MFF: variants seen among roughly 807,000 people sequenced by gnomAD.
MFF encodes the protein chromosome 2 open reading frame 33.
In MFF, 12 loss-of-function variants were observed where a neutral mutation model predicts 36.9. That is an observed-to-expected ratio of 0.33 (90% CI 0.21 to 0.53). MFF has a LOEUF of 0.53. Among genes scored for constraint, MFF ranks in the 20% least tolerant of loss-of-function variants. The pLI is 0.95. For synonymous variants in MFF, 99 were observed against 126.2 expected (o/e 0.78, Z 1.44); for missense variants, 348 against 366.6 (o/e 0.95, Z 0.42).
At chr2:227,342,158 T>C (rs2075432038) in intron 5 of MFF, among the ~76,000 whole-genome samples, 3 of 152,082 alleles carry the variant, frequency 2.0e-5, no homozygotes, top group African/African-American at 7.2e-5. Flanking sequence ...TTTTTGATAG[T>C]AAAAGTAATG....
At chr2:227,345,699 GTTTA>G (rs2075672870) in intron 5 of MFF, among the ~76,000 whole-genome samples, 2 of 152,032 alleles carry the variant, frequency 1.3e-5, no homozygotes, top group South Asian at 2.1e-4. Flanking sequence ...TTGTTTGTTT[GTTTA>G]TTTGTTTTTA....
chr2:227,332,367 T>C, intron 3 of MFF, 52 bp from the exon 4 acceptor site: 1 of 1,421,514 alleles, frequency 7.0e-7, no homozygotes, highest in Non-Finnish European at 9.5e-7. Context: ...ACTGTCTTTT[T>C]AAAAAACCTC....
intron 5 of MFF, among the ~76,000 whole-genome samples, chr2:227,341,301 T>C (rs76203169): frequency 1.4e-5 from 2 of 142,862 alleles, no homozygotes; most frequent in African/African-American, 5.1e-5. Context: ...TTTTTTTTTT[T>C]CAAATCCTTG....
At chr2:227,332,266 C>T (rs1427646544) in intron 3 of MFF, among the ~76,000 whole-genome samples, 153 bp from the exon 4 acceptor site, 2 of 152,012 alleles carry the variant, frequency 1.3e-5, no homozygotes, top group African/African-American at 4.8e-5. Context: ...GCCACCGCGC[C>T]CGGCCTGGAA....
At chr2:227,356,775 A>G (rs1414837229) in intron 8 of MFF, among the ~76,000 whole-genome samples, 1 of 152,198 alleles carries the variant, frequency 6.6e-6, no homozygotes, top group African/African-American at 2.4e-5. Flanking sequence ...GAAGAAGGGA[A>G]AGGGAAAGGA....
chr2:227,329,856 A>G, intron 2 of MFF: 2 of 925,162 alleles, frequency 2.2e-6, no homozygotes, highest in Non-Finnish European at 3.3e-6. Flanking sequence ...TTACTGCCGT[A>G]GGCTAACCAT....
chr2:227,356,633 C>G (rs2076271105), intron 8 of MFF, among the ~76,000 whole-genome samples: 1 of 152,120 alleles, frequency 6.6e-6, no homozygotes, highest in African/African-American at 2.4e-5. Flanking sequence ...GTCCCGTATT[C>G]TTTCTGCTGT....
intron 4 of MFF, among the ~76,000 whole-genome samples, chr2:227,335,746 G>A (rs2074953977): frequency 6.6e-6 from 1 of 152,196 alleles, no homozygotes; most frequent in Non-Finnish European, 1.5e-5. Flanking sequence ...CCCTTGAGGA[G>A]GGCTTAAAAC....
At chr2:227,351,219 C>T (rs1355755090) in intron 6 of MFF, among the ~76,000 whole-genome samples, 1 of 152,122 alleles carries the variant, frequency 6.6e-6, no homozygotes, top group African/African-American at 2.4e-5. Context: ...CTGTCTTAAG[C>T]ATATGTGATT....
At chr2:227,343,426 A>G (rs2075525339) in intron 5 of MFF, among the ~76,000 whole-genome samples, 1 of 152,194 alleles carries the variant, frequency 6.6e-6, no homozygotes, top group East Asian at 1.9e-4. Flanking sequence ...TAAGCAACAG[A>G]AGAAACTGCA....
rs2075320770 is a variant in MFF at position 227,340,324 on chromosome 2, G to C, written c.384G>C (p.Arg128=). The C allele has an allele frequency of 6.2e-7, 1 of 1,614,012 alleles. No individual in the cohort carries two copies. The highest frequency in any genetic ancestry group is 8.5e-7 in the Non-Finnish European group (1 of 1,179,936). The change falls in exon 5 of 9, where the codon CGG becomes CGC. Residue 128 remains arginine (R), a synonymous_variant. Transcript: ENST00000304593. ...CAGTTGGCAGACTAAAAAGAGAGCG[G>C]TCTATGAGTGAAAATGCTGTTCGCC... ...IRAVGRLKRE[R]SMSENAVRQN... is the part of the protein sequence containing the mutation.
chr2:227,355,906 A>C (rs922567859), intron 8 of MFF, 145 bp downstream of exon 8: 2 of 562,812 alleles, frequency 3.6e-6, no homozygotes, highest in Admixed American at 3.0e-5. Flanking sequence ...TTGATTAAAG[A>C]TATATTAAAC....
intron 3 of MFF, among the ~76,000 whole-genome samples, chr2:227,332,185 G>C (rs536176980): frequency 1.3e-3 from 192 of 151,180 alleles, no homozygotes; most frequent in African/African-American, 4.6e-3. Flanking sequence ...TTTTAGCCGG[G>C]ATGGTCTCGA....
At chr2:227,342,695 T>C (rs1317413199) in intron 5 of MFF, 1 of 1,452,720 alleles carries the variant, frequency 6.9e-7, no homozygotes. Context: ...TAGCTTTTTC[T>C]TTGTGTTATA....
intron 4 of MFF, among the ~76,000 whole-genome samples, chr2:227,335,766 A>G (rs1248345898): frequency 6.6e-6 from 1 of 152,232 alleles, no homozygotes; most frequent in Admixed American, 6.5e-5. Flanking sequence ...CATAACATAA[A>G]TAATCCCTTA....
intron 4 of MFF, among the ~76,000 whole-genome samples, chr2:227,335,066 G>C (rs1405549235): frequency 6.6e-6 from 1 of 151,788 alleles, no homozygotes; most frequent in East Asian, 1.9e-4. Flanking sequence ...AGCTACTCTG[G>C]AGGGGGAGGC....
In MFF at chr2:227,355,513, C is replaced by T. The variant is rs1045113977; in HGVS notation, c.660-164C>T. On this transcript the variant is annotated intron_variant, in intron 7 of 8. Transcript: ENST00000304593. ...TTGTCATTTTAAGCTTTTTTCTTTC[C>T]TTTATTAGTACAAATTCAGGTAGTA... 5.4e-5 allele frequency: 21 copies of T among 390,388 alleles called. No individual in the cohort carries two copies. The South Asian group carries it at 1.3e-3, about 24-fold the overall frequency. The allele number at this position is 390,388 out of a possible 1,614,324, so 24.2% of individuals were successfully genotyped here.
intron 4 of MFF, among the ~76,000 whole-genome samples, chr2:227,339,434 A>G (rs1250108725): frequency 1.3e-5 from 2 of 152,208 alleles, no homozygotes; most frequent in Non-Finnish European, 2.9e-5. Context: ...AAGGCAAAGG[A>G]TAACTCAACA....
At chr2:227,342,847 C>T in intron 5 of MFF, 6 of 1,583,598 alleles carry the variant, frequency 3.8e-6, no homozygotes, top group Non-Finnish European at 5.2e-6. Context: ...CTGCTTTTGA[C>T]AAGTAGTTGT....
Sources: gnomAD v4.1 joint callset for allele counts (sites outside exome capture counted in the v4.1 genomes callset) on GRCh38, gnomAD v4.1.1 for gene constraint, MANE v1.5 for transcripts, NCBI Gene and HGNC (gene_info 2026-07-23, HGNC 2026-07-21) for gene names.